The following EFEMP2 variants were observed in gnomAD, a reference collection of about 807,000 sequenced individuals.
EFEMP2 encodes EGF-containing fibulin-like extracellular matrix protein 2.
In EFEMP2, 21 loss-of-function variants were observed where a neutral mutation model predicts 55.3. The ratio of observed to expected loss-of-function variants is 0.38; its 90% CI spans 0.27 to 0.55. EFEMP2 has a LOEUF of 0.55. Among genes scored for constraint, EFEMP2 ranks in the 20% least tolerant of loss-of-function variants. EFEMP2 has a pLI of 0.77. For missense variants in EFEMP2, 513 were observed against 615.1 expected (o/e 0.83, Z 1.76); for synonymous variants, 275 against 242.3 (o/e 1.14, Z -1.25).
At chr11:65,871,559 C>A in intron 3 of EFEMP2, 196 bp from the exon 4 acceptor site, 1 of 621,788 alleles carries the variant, frequency 1.6e-6, no homozygotes, top group Admixed American at 2.7e-5. Flanking sequence ...CAGCTGTTCC[C>A]ACTGTTGCCC....
At chr11:65,871,485 C>T in intron 3 of EFEMP2, 122 bp from the exon 4 acceptor site, 5 of 950,084 alleles carry the variant, frequency 5.3e-6, no homozygotes, top group South Asian at 1.4e-5. Context: ...TCCCACTCTG[C>T]TCAACAAGCT....
At chr11:65,868,713 C>T (rs1859910150) in intron 7 of EFEMP2, 84 bp from the exon 8 acceptor site, 1 of 1,576,658 alleles carries the variant, frequency 6.3e-7, no homozygotes, top group Admixed American at 1.7e-5. Flanking sequence ...GAAGGCCCAG[C>T]CCCATGTTAG....
chr11:65,868,491 C>A lies in EFEMP2; in HGVS notation c.847+19G>T. On this transcript the variant is annotated intron_variant, in intron 8 of 10. Coordinates refer to ENST00000307998, the MANE Select transcript of EFEMP2 (RefSeq NM_016938.5). ...AGCTCCTGACACCGTCCTGCCCATC[C>A]CACCCGGGCAACCTGTACCTTGGCA... The A allele has an allele frequency of 6.2e-7, 1 of 1,613,862 alleles. No homozygotes were observed. Among genetic ancestry groups the A allele is most frequent in the Non-Finnish European group, 8.5e-7 (1 of 1,180,006 alleles).
At chr11:65,869,721 C>T (rs1001714317) in intron 7 of EFEMP2, 136 bp downstream of exon 7, 11 of 1,373,824 alleles carry the variant, frequency 8.0e-6, no homozygotes, top group Admixed American at 3.4e-5. Flanking sequence ...CAGCCGGGGT[C>T]GAGTACCCAG....
At position 65,872,693 on chromosome 11, in the gene EFEMP2, G is replaced by T; in HGVS notation, c.-18C>A. 2.9e-6 allele frequency: 1 copy of T among 346,898 alleles called. No homozygotes were observed. The highest frequency in any genetic ancestry group is 2.0e-5 in the South Asian group (1 of 49,442). The allele number at this position is 346,898 out of a possible 1,614,324, so 21.5% of individuals were successfully genotyped here. Reference sequence around the variant, plus strand: ...GTCACAGCCACTCACTTGGGCCCGCGACACCCCCGCGGCCCGCGGCTCTGG... The same window carrying T: ...GTCACAGCCACTCACTTGGGCCCGCTACACCCCCGCGGCCCGCGGCTCTGG... On this transcript the variant is annotated 5_prime_UTR_variant, in exon 1 of 11. Coordinates refer to ENST00000307998, the MANE Select transcript of EFEMP2 (RefSeq NM_016938.5).
At chr11:65,868,201 CAG>C (rs1464186715) in intron 9 of EFEMP2, 92 bp downstream of exon 9, 24 of 1,586,676 alleles carry the variant, frequency 1.5e-5, no homozygotes, top group Middle Eastern at 2.1e-4. Context: ...CATCATCCCT[CAG>C]GGGCACTCGC....
At position 65,872,747 on chromosome 11, in the gene EFEMP2, G is replaced by T; in HGVS notation, c.-72C>A. ...CTCGGCTGGCTCGGGCAATGCCTGC[G>T]GGCAGACGGACGGGCGGACGGCACA... On this transcript the variant is annotated 5_prime_UTR_variant, in exon 1 of 11. Transcript: ENST00000307998. The T allele has an allele frequency of 3.0e-6, 1 of 333,166 alleles. No individual in the cohort carries two copies. The highest frequency in any genetic ancestry group is 2.1e-5 in the South Asian group (1 of 47,390). 20.6% of individuals were successfully genotyped at this position (333,166 alleles called of 1,614,324 possible). A position where few individuals can be genotyped will look rare whatever the true frequency, so the allele number is the denominator to read the frequency against.
chr11:65,866,665 A>G lies in EFEMP2; in HGVS notation c.*253T>C. 1 of 704,184 alleles carries G rather than the reference A, an allele frequency of 1.4e-6. No homozygotes were observed. The allele number at this position is 704,184 out of a possible 1,614,324, so 43.6% of individuals were successfully genotyped here. ...CCTCCTCTCCTCTCGGGGTGACTGA[A>G]GCTCGTGGTGCAGAGCTCCCAGCTC... is the stretch of plus-strand genomic sequence containing the variant. On this transcript the variant is annotated 3_prime_UTR_variant, in exon 11 of 11. Transcript: ENST00000307998.
chr11:65,872,292 G>A lies in EFEMP2; in HGVS notation c.63C>T (p.Leu21=), dbSNP rs1442174846. Reference sequence around the variant, plus strand: ...AATCCTGAGGAGAAGCTGATCCCAAGAGCAACAGTAGCAGCGCCCAGAGCA... The same window carrying A: ...AATCCTGAGGAGAAGCTGATCCCAAAAGCAACAGTAGCAGCGCCCAGAGCA... ...SLLLWALLLL[L]LGSASPQDSE... Residue 21 remains leucine, a synonymous_variant, in exon 2 of 11, where the codon CTC becomes CTT. Transcript: ENST00000307998. 5 of 1,551,622 alleles carry A rather than the reference G, an allele frequency of 3.2e-6. No homozygotes were observed. The highest frequency in any genetic ancestry group is 2.4e-5 in the South Asian group (2 of 84,062).
intron 4 of EFEMP2, 156 bp downstream of exon 4, chr11:65,871,001 G>A: frequency 1.0e-6 from 1 of 952,516 alleles, no homozygotes; most frequent in Non-Finnish European, 1.6e-6. Context: ...CACACAAGCT[G>A]GGGCCACCTG....
chr11:65,870,063 G>A (rs2234464), intron 6 of EFEMP2, 58 bp downstream of exon 6: 6 of 1,612,372 alleles, frequency 3.7e-6, no homozygotes, highest in Admixed American at 3.3e-5. Context: ...AGAAGGGAGC[G>A]CCCCCACCTC....
Position 65,869,937 on chromosome 11 carries a change from C to G in EFEMP2, c.647G>C (p.Arg216Pro). 1 of 1,613,958 alleles carries G rather than the reference C, an allele frequency of 6.2e-7. No individual in the cohort carries two copies. Among genetic ancestry groups the G allele is most frequent in the Non-Finnish European group, 8.5e-7 (1 of 1,179,996 alleles). ...GAAGGTCCCATAGGAGTTGAAGCAG[C>G]GCTGCTCGCATGGGGCCCCCATGTC... is the stretch of plus-strand genomic sequence containing the variant. ...ECDMGAPCEQ[R>P]CFNSYGTFLC... Residue 216 changes from arginine (R) to proline (P), a missense_variant, in exon 7 of 11, where the codon CGC becomes CCC. Coordinates refer to ENST00000307998, the MANE Select transcript of EFEMP2 (RefSeq NM_016938.5).
chr11:65,868,747 G>T (rs2134748556), intron 7 of EFEMP2, 118 bp from the exon 8 acceptor site: 2 of 1,427,610 alleles, frequency 1.4e-6, no homozygotes, highest in Non-Finnish European at 1.9e-6. Flanking sequence ...AGACAGAGGG[G>T]GATGAGACAA....
Position 65,869,605 on chromosome 11 carries a change from T to C in EFEMP2, c.727+252A>G, listed in dbSNP as rs570387. ...CAGGTAAATGCAGGTGAGCCTGATA[T>C]GTGGGACAGGTGGCACCCACATCCT... On this transcript the variant is annotated intron_variant, in intron 7 of 10. Coordinates refer to ENST00000307998, the MANE Select transcript of EFEMP2 (RefSeq NM_016938.5). 265,469 of 545,910 alleles carry C rather than the reference T, an allele frequency of 0.49. 66,976 individuals carry two copies. Among genetic ancestry groups the C allele is most frequent in the Middle Eastern group, 0.61 (1,193 of 1,968 alleles). The allele number at this position is 545,910 out of a possible 1,614,324, so 33.8% of individuals were successfully genotyped here. A position where few individuals can be genotyped will look rare whatever the true frequency, so the allele number is the denominator to read the frequency against.
At chr11:65,867,126 T>G in intron 10 of EFEMP2, 47 bp from the exon 11 acceptor site, 1 of 1,609,884 alleles carries the variant, frequency 6.2e-7, no homozygotes, top group Non-Finnish European at 8.5e-7. Context: ...TCAGCCTGTG[T>G]GCTAGGCCCC....
chr11:65,870,016 G>A, intron 6 of EFEMP2, 40 bp from the exon 7 acceptor site: 1 of 1,613,360 alleles, frequency 6.2e-7, no homozygotes, highest in African/African-American at 1.3e-5. Context: ...GAAAGCGGAG[G>A]AGGAGCCCAG....
At chr11:65,869,247 C>A (rs1859921388) in intron 7 of EFEMP2, 1 of 191,580 alleles carries the variant, frequency 5.2e-6, no homozygotes, top group Non-Finnish European at 1.1e-5. Context: ...TTAGCTGAAT[C>A]ATGAAAGTCA....
chr11:65,870,796 C>A, intron 4 of EFEMP2, 138 bp from the exon 5 acceptor site: 1 of 1,286,428 alleles, frequency 7.8e-7, no homozygotes. Flanking sequence ...GAAAGGCACC[C>A]CTAACCTCTA....
intron 10 of EFEMP2, chr11:65,867,359 G>T: frequency 1.9e-6 from 1 of 535,328 alleles, no homozygotes. Context: ...TGTGGCTCTT[G>T]GGACTGGTGG....
Sources: gnomAD v4.1 joint callset for allele counts on GRCh38, gnomAD v4.1.1 for gene constraint, MANE v1.5 for transcripts, NCBI Gene and HGNC (gene_info 2026-07-23, HGNC 2026-07-21) for gene names.